The following HIPK1 variants were observed in gnomAD, a reference collection of about 807,000 sequenced individuals.
HIPK1 encodes homeodomain interacting protein kinase 1, also known as homeodomain-interacting protein kinase 1.
HIPK1 carries 28 observed loss-of-function variants against 117.1 expected under a neutral mutation model. The observed-to-expected ratio is 0.24, with a 90% CI of 0.18 to 0.33. The LOEUF (loss-of-function observed/expected upper bound fraction) is 0.33. HIPK1 is among the 10% of genes least tolerant of loss of function. The pLI is 1.00. For missense variants in HIPK1, 1,122 were observed against 1,475.1 expected (o/e 0.76, Z 3.92); for synonymous variants, 605 against 562.5 (o/e 1.08, Z -1.07).
At chr1:113,929,956 A>AG in intron 1 of HIPK1, 1 of 985,174 alleles carries the variant, frequency 1.0e-6, no homozygotes, top group South Asian at 4.7e-5. Flanking sequence ...GGGGACGGGC[A>AG]GGAGGGGTCC....
At chr1:113,961,695 C>T (rs996669638) in intron 8 of HIPK1, among the ~76,000 whole-genome samples, 1 of 152,110 alleles carries the variant, frequency 6.6e-6, no homozygotes, top group East Asian at 1.9e-4. Flanking sequence ...CCTGTAATCC[C>T]GGCACTTTGG....
chr1:113,934,680 T>C (rs1482378193), intron 1 of HIPK1, among the ~76,000 whole-genome samples: 1 of 150,596 alleles, frequency 6.6e-6, no homozygotes, highest in Non-Finnish European at 1.5e-5. Context: ...GTACGGTGGC[T>C]CATGCCTGTA....
At chr1:113,934,916 G>A (rs1458904581) in intron 1 of HIPK1, among the ~76,000 whole-genome samples, 1 of 146,342 alleles carries the variant, frequency 6.8e-6, no homozygotes, top group African/African-American at 2.5e-5. Context: ...TTGAGCCCAG[G>A]ATTTCGAGGA....
At chr1:113,962,526 A>G (rs1672195171) in intron 9 of HIPK1, 88 bp downstream of exon 9, 1 of 1,309,096 alleles carries the variant, frequency 7.6e-7, no homozygotes, top group Admixed American at 2.3e-5. Context: ...ATTTCCTTTG[A>G]CTATAAGATC....
chr1:113,952,359 A>C (rs1412845281), intron 2 of HIPK1, among the ~76,000 whole-genome samples: 1 of 152,078 alleles, frequency 6.6e-6, no homozygotes, highest in African/African-American at 2.4e-5. Flanking sequence ...CATAAATGAA[A>C]ATTTTTCTTT....
intron 1 of HIPK1, among the ~76,000 whole-genome samples, chr1:113,939,511 A>G (rs1670506715): frequency 6.6e-6 from 1 of 152,076 alleles, no homozygotes; most frequent in Non-Finnish European, 1.5e-5. Flanking sequence ...TGTATTGAAT[A>G]TGAGGTGTTT....
In HIPK1 at chr1:113,963,576, TTTTGTTTTTTCCTG is replaced by T. The variant is rs1379305710; in HGVS notation, c.2238+65_2238+78del. The T allele has an allele frequency of 1.9e-6, 3 of 1,552,444 alleles. No individual in the cohort carries two copies. The African/African-American group carries it at 4.2e-5, about 22-fold the overall frequency. Reference sequence around the variant, plus strand: ...ACGGAGTTTCTTTGGTTTCTTTCTTTTTTGTTTTTTCCTGTTTGTTTTTGTTCTGTTTTTTTCTG... The same window carrying T: ...ACGGAGTTTCTTTGGTTTCTTTCTTTTTTGTTTTTGTTCTGTTTTTTTCTG... On this transcript the variant is annotated intron_variant, in intron 10 of 15. Transcript: ENST00000426820.
chr1:113,944,692 A>G (rs1425617508), intron 2 of HIPK1, among the ~76,000 whole-genome samples: 1 of 150,114 alleles, frequency 6.7e-6, no homozygotes, highest in South Asian at 2.1e-4. Context: ...GTTGGCCGGG[A>G]TGGTCTCGAT....
At chr1:113,953,022 A>G (rs1160485453) in intron 3 of HIPK1, 133 bp downstream of exon 3, 2 of 758,228 alleles carry the variant, frequency 2.6e-6, no homozygotes, top group Non-Finnish European at 3.7e-6. Flanking sequence ...GCTACTAAAG[A>G]ACTTTTTAAA....
intron 1 of HIPK1, 143 bp downstream of exon 1, chr1:113,929,675 G>A (rs1169231803): frequency 9.2e-6 from 8 of 868,742 alleles, no homozygotes; most frequent in Admixed American, 4.7e-5. Flanking sequence ...AGCCCCGGAC[G>A]GCAGCAGGAG....
intron 1 of HIPK1, chr1:113,930,509 G>C (rs961295669): frequency 6.6e-6 from 1 of 152,200 alleles, no homozygotes; most frequent in African/African-American, 2.4e-5. Context: ...ATGTATATCT[G>C]TACAAGGGAG....
intron 3 of HIPK1, among the ~76,000 whole-genome samples, chr1:113,954,380 A>G (rs1671571833): frequency 6.6e-6 from 1 of 152,248 alleles, no homozygotes; most frequent in African/African-American, 2.4e-5. Flanking sequence ...TCTGAGTTGT[A>G]GTAGATTCCA....
intron 2 of HIPK1, among the ~76,000 whole-genome samples, chr1:113,942,712 C>T (rs1362800597): frequency 6.6e-6 from 1 of 152,092 alleles, no homozygotes; most frequent in African/African-American, 2.4e-5. Flanking sequence ...ATTATTGGGA[C>T]AGTATGTAAA....
chr1:113,960,573 A>G (rs1047265778), intron 8 of HIPK1, among the ~76,000 whole-genome samples: 4 of 152,144 alleles, frequency 2.6e-5, no homozygotes, highest in African/African-American at 9.7e-5. Flanking sequence ...AATTTTACCA[A>G]TTTGTAGGAG....
At chr1:113,962,918 G>A (rs1672219752) in intron 9 of HIPK1, among the ~76,000 whole-genome samples, 1 of 152,134 alleles carries the variant, frequency 6.6e-6, no homozygotes, top group Non-Finnish European at 1.5e-5. Context: ...CATTCCGTGT[G>A]TTTAACCAGA....
At chr1:113,969,832 A>G in intron 13 of HIPK1, 124 bp from the exon 14 acceptor site, 2 of 1,015,730 alleles carry the variant, frequency 2.0e-6, no homozygotes, top group Non-Finnish European at 3.0e-6. Context: ...GCTTGAGCCC[A>G]GGAGGTTGAG....
At chr1:113,931,645 AAAAGAAGAGATAATCTC>A (rs1669905090) in intron 1 of HIPK1, among the ~76,000 whole-genome samples, 1 of 152,214 alleles carries the variant, frequency 6.6e-6, no homozygotes, top group African/African-American at 2.4e-5. Context: ...AAAAGAAAAA[AAAAGAAGAGATAATCTC>A]AAAGTTCACA....
At chr1:113,951,322 G>A (rs976988468) in intron 2 of HIPK1, 116 of 958,648 alleles carry the variant, frequency 1.2e-4, no homozygotes, top group Non-Finnish European at 1.4e-4. Flanking sequence ...GAGAAACAGT[G>A]TAATATATAA....
At position 113,957,301 on chromosome 1, in the gene HIPK1, A is replaced by G; in HGVS notation, c.1755+15A>G. ...TGCACAATCAGGTATTCAATAAATA[A>G]TTTTGGAAACTCAAGCTTAAGTGGG... On this transcript the variant is annotated intron_variant, in intron 7 of 15. Transcript: ENST00000426820. 6.3e-7 allele frequency: 1 copy of G among 1,599,580 alleles called. No homozygotes were observed. Among genetic ancestry groups the G allele is most frequent in the Non-Finnish European group, 8.5e-7 (1 of 1,169,618 alleles).
Sources: allele counts gnomAD v4.1 joint callset (sites outside exome capture counted in the v4.1 genomes callset), GRCh38; gene constraint gnomAD v4.1.1; transcripts MANE v1.5; gene names NCBI Gene and HGNC (gene_info 2026-07-23, HGNC 2026-07-21).